Variants in PTK2 observed in about 807,000 individuals in gnomAD.
PTK2 encodes protein tyrosine kinase 2, also known as focal adhesion kinase 1.
A neutral mutation model predicts 150.1 loss-of-function variants in PTK2; 45 were observed. The ratio of observed to expected loss-of-function variants is 0.30; its 90% confidence interval spans 0.24 to 0.38. The LOEUF (loss-of-function observed/expected upper bound fraction) is 0.38, where lower values mean the gene tolerates loss of function less well. Among genes scored for constraint, PTK2 ranks in the 10% least tolerant of loss-of-function variants. The pLI is 1.00. For synonymous variants in PTK2, 432 were observed against 449.2 expected, an observed-to-expected ratio of 0.96 and a Z score of 0.48; for missense variants, 919 against 1,307.3, an observed-to-expected ratio of 0.70 and a Z score of 4.58.
At chr8:140,678,214 G>C (rs111400855) in intron 27 of PTK2, among the ~76,000 whole-genome samples, 2 of 151,886 alleles carry the variant, frequency 1.3e-5, no homozygotes, top group Non-Finnish European at 2.9e-5. Flanking sequence ...GCCTGGCTAT[G>C]TTTTTGTATT....
chr8:140,717,820 C>T (rs950854579), intron 22 of PTK2, 111 bp from the exon 26 acceptor site: 6 of 792,022 alleles, frequency 7.6e-6, no homozygotes, highest in Middle Eastern at 2.5e-4. Flanking sequence ...TAGATGATAA[C>T]AATAAAGGAT....
chr8:140,780,885 C>G (rs2100081293), intron 14 of PTK2, among the ~76,000 whole-genome samples: 1 of 152,142 alleles, frequency 6.6e-6, no homozygotes, highest in Admixed American at 6.5e-5. Flanking sequence ...TTTTTAGTTG[C>G]TGAATCTGGG....
chr8:140,716,014 A>T (rs2100039501), intron 23 of PTK2, among the ~76,000 whole-genome samples: 1 of 152,208 alleles, frequency 6.6e-6, no homozygotes, highest in African/African-American at 2.4e-5. Context: ...TTTGGTGCTC[A>T]TTACCAAATA....
intron 14 of PTK2, among the ~76,000 whole-genome samples, chr8:140,787,444 C>A (rs2100085616): frequency 6.6e-6 from 1 of 152,106 alleles, no homozygotes. Context: ...CATAAAATGC[C>A]AGCTAACTTT....
At chr8:140,935,198 C>T (rs955298176) in intron 1 of PTK2, among the ~76,000 whole-genome samples, 1 of 152,016 alleles carries the variant, frequency 6.6e-6, no homozygotes, top group Non-Finnish European at 1.5e-5. Flanking sequence ...TAGAACCAAA[C>T]AGAAGGAAAA....
At chr8:140,852,295 C>A (rs923332652) in intron 5 of PTK2, among the ~76,000 whole-genome samples, 17 of 152,276 alleles carry the variant, frequency 1.1e-4, no homozygotes, top group African/African-American at 4.1e-4. Context: ...CAGATCAGTG[C>A]TTGCTAGAGT....
chr8:140,662,290 C>T (rs1422275339), intron 31 of PTK2, among the ~76,000 whole-genome samples: 1 of 150,406 alleles, frequency 6.6e-6, no homozygotes, highest in Admixed American at 6.6e-5. Flanking sequence ...GAGACAGACC[C>T]TGTCTCAAAA....
At chr8:140,744,825 G>T (rs551244740) in intron 18 of PTK2, 58 bp from the exon 22 acceptor site, 1 of 957,866 alleles carries the variant, frequency 1.0e-6, no homozygotes, top group Non-Finnish European at 1.6e-6. Flanking sequence ...GCAGTGAATC[G>T]AAATCAAAAG....
At chr8:140,674,007 T>C in intron 29 of PTK2, 1 of 522,222 alleles carries the variant, frequency 1.9e-6, no homozygotes, top group South Asian at 1.5e-5. Flanking sequence ...AAAGAAAACA[T>C]TCTGTCTGAT....
intron 22 of PTK2, among the ~76,000 whole-genome samples, chr8:140,730,222 T>C (rs1444790602): frequency 6.6e-6 from 1 of 152,172 alleles, no homozygotes; most frequent in East Asian, 1.9e-4. Context: ...ACACAACACT[T>C]ACTATATCCT....
At chr8:140,869,244 C>T (rs530931344) in intron 4 of PTK2, among the ~76,000 whole-genome samples, 74 of 151,868 alleles carry the variant, frequency 4.9e-4, no homozygotes, top group African/African-American at 1.7e-3. Context: ...TCAATGAACA[C>T]GCATCTGCAA....
intron 22 of PTK2, chr8:140,734,940 G>C (rs1418801494): frequency 3.6e-5 from 16 of 443,006 alleles, no homozygotes. Context: ...GGAGGGTTGT[G>C]TTAGATGAGA....
At chr8:140,910,245 G>A (rs1308742127) in intron 2 of PTK2, among the ~76,000 whole-genome samples, 1 of 152,052 alleles carries the variant, frequency 6.6e-6, no homozygotes, top group African/African-American at 2.4e-5. Flanking sequence ...AACAGACCTT[G>A]AAGGAAATAC....
chr8:140,681,552 G>C (rs564276060), intron 27 of PTK2, among the ~76,000 whole-genome samples: 17 of 152,072 alleles, frequency 1.1e-4, no homozygotes, highest in East Asian at 3.9e-4. Context: ...CGGGCAGGGG[G>C]GGATCACGAA....
chr8:140,908,296 T>A (rs1035919789), intron 2 of PTK2, among the ~76,000 whole-genome samples: 6 of 152,178 alleles, frequency 3.9e-5, no homozygotes, highest in Non-Finnish European at 2.9e-5. Context: ...AAGGAAAGCC[T>A]GAAGCTAGCA....
chr8:140,718,522 C>A (rs1441109673), intron 22 of PTK2: 1 of 152,194 alleles, frequency 6.6e-6, no homozygotes, highest in Non-Finnish European at 1.5e-5. Context: ...CTAACTGTGG[C>A]AAACAGCTCT....
intron 1 of PTK2, among the ~76,000 whole-genome samples, chr8:140,966,158 G>C (rs2100185199): frequency 6.6e-6 from 1 of 152,094 alleles, no homozygotes. Context: ...AACCATCCCA[G>C]TTACTCCCCA....
rs1422539748 is a variant in PTK2 at position 140,675,304 on chromosome 8, G to A, written c.2602+156C>T. Reference sequence around the variant, plus strand: ...ACAAATTCTTTTTCCCAATACTCTAGTAATGAGCTGAATGTGGTAAACATC... The same window carrying A: ...ACAAATTCTTTTTCCCAATACTCTAATAATGAGCTGAATGTGGTAAACATC... On this transcript the variant is annotated intron_variant, in intron 28 of 31. Transcript: ENST00000522684. The A allele has an allele frequency of 3.5e-5, 27 of 767,280 alleles. 1 individual carries two copies. The highest frequency in any genetic ancestry group is 8.5e-5 in the South Asian group (5 of 58,888). 47.5% of individuals were successfully genotyped at this position (767,280 alleles called of 1,614,324 possible).
In PTK2 at chr8:140,937,440, T is replaced by C. The variant is rs571039790; in HGVS notation, c.-121-11691A>G. On this transcript the variant is annotated intron_variant, in intron 1 of 31. Transcript: ENST00000522684. ...TTTATTTTTATGCTCTAAGTATATA[T>C]AAAGCCTGGACATAATTACACGTGG... Among the ~76,000 whole-genome samples, 5 of 152,226 alleles carry C rather than the reference T, an allele frequency of 3.3e-5. No homozygotes were observed. The East Asian group carries it at 9.7e-4, about 29-fold the overall frequency.
Sources: allele counts gnomAD v4.1 joint callset (sites outside exome capture counted in the v4.1 genomes callset), GRCh38; gene constraint gnomAD v4.1.1; transcripts MANE v1.5; gene names NCBI Gene and HGNC (gene_info 2026-07-23, HGNC 2026-07-21).